The following DPYD variants were observed in gnomAD, a reference collection of about 807,000 sequenced individuals.
DPYD encodes the protein dihydropyrimidine dehydrogenase [NADP(+)].
DPYD carries 109 observed loss-of-function variants against 116.2 expected under a neutral mutation model. The observed-to-expected ratio is 0.94, with a 90% CI of 0.80 to 1.10. The LOEUF (loss-of-function observed/expected upper bound fraction) is 1.10. DPYD is among the 50% of genes least tolerant of loss of function. The pLI is 0.00. For missense variants in DPYD, 1,302 were observed against 1,254.5 expected (o/e 1.04, Z -0.57); for synonymous variants, 440 against 432.0 (o/e 1.02, Z -0.23).
chr1:97,819,731 T>C (rs1668822057), intron 3 of DPYD, among the ~76,000 whole-genome samples: 2 of 152,132 alleles, frequency 1.3e-5, no homozygotes, highest in African/African-American at 4.8e-5. Flanking sequence ...CCTTCCACTC[T>C]TCCATTTTTA....
At chr1:97,241,230 G>C (rs1213114844) in intron 18 of DPYD, among the ~76,000 whole-genome samples, 1 of 151,822 alleles carries the variant, frequency 6.6e-6, no homozygotes, top group Non-Finnish European at 1.5e-5. Flanking sequence ...TTTTTACCAA[G>C]AGAATTAATA....
chr1:97,582,652 G>A lies in DPYD; in HGVS notation c.1129-8682C>T, dbSNP rs1653773706. On this transcript the variant is annotated intron_variant, in intron 10 of 22. Coordinates refer to ENST00000370192, the MANE Select transcript of DPYD (RefSeq NM_000110.4). Reference sequence around the variant, plus strand: ...TAATTAGGCAAAAAAAGTTTGCTGAGACCACAAATTGACATTCCTTCTTTT... The same window carrying A: ...TAATTAGGCAAAAAAAGTTTGCTGAAACCACAAATTGACATTCCTTCTTTT... Among the ~76,000 whole-genome samples the A allele has an allele frequency of 2.0e-5, 3 of 152,144 alleles. No homozygotes were observed. The South Asian group carries it at 6.2e-4, about 32-fold the overall frequency.
In DPYD at chr1:97,838,774, G is replaced by A. The variant is rs368341853; in HGVS notation, c.151-10578C>T. Among the ~76,000 whole-genome samples, 28 of 152,288 alleles carry A rather than the reference G, an allele frequency of 1.8e-4. 1 individual carries two copies. The East Asian group carries it at 4.4e-3, about 24-fold the overall frequency. On this transcript the variant is annotated intron_variant, in intron 2 of 22. Coordinates refer to ENST00000370192, the MANE Select transcript of DPYD (RefSeq NM_000110.4). Reference sequence around the variant, plus strand: ...GCAGGAGAATGGCGTGAACCCGGGAGGCGGAGCTTGCAGTGAGCCGAGATT... The same window carrying A: ...GCAGGAGAATGGCGTGAACCCGGGAAGCGGAGCTTGCAGTGAGCCGAGATT...
chr1:97,393,542 T>C (rs1424767163), intron 14 of DPYD, among the ~76,000 whole-genome samples: 2 of 150,590 alleles, frequency 1.3e-5, no homozygotes. Flanking sequence ...GAACATGCGG[T>C]GTTTGGTTTT....
At chr1:97,252,566 T>C (rs1301913878) in intron 18 of DPYD, among the ~76,000 whole-genome samples, 2 of 152,162 alleles carry the variant, frequency 1.3e-5, no homozygotes, top group African/African-American at 4.8e-5. Context: ...ATCACAGATA[T>C]GTTAAATCTA....
intron 14 of DPYD, among the ~76,000 whole-genome samples, chr1:97,396,800 G>A (rs1050759327): frequency 6.6e-6 from 1 of 151,828 alleles, no homozygotes; most frequent in Non-Finnish European, 1.5e-5. Context: ...CATCCTAGAC[G>A]TCTGACTGTA....
chr1:97,192,161 A>T (rs1356249740), intron 20 of DPYD, among the ~76,000 whole-genome samples: 1 of 152,034 alleles, frequency 6.6e-6, no homozygotes, highest in Non-Finnish European at 1.5e-5. Context: ...TTTTCTACTA[A>T]AACTAGCCAA....
intron 3 of DPYD, among the ~76,000 whole-genome samples, chr1:97,826,032 C>CTG (rs138055564): frequency 8.6e-5 from 13 of 151,044 alleles, no homozygotes; most frequent in South Asian, 4.2e-4. Context: ...TAATGTGTGT[C>CTG]TGTGTGTGTG....
At chr1:97,121,963 T>G (rs1024480691) in intron 20 of DPYD, among the ~76,000 whole-genome samples, 4 of 152,212 alleles carry the variant, frequency 2.6e-5, no homozygotes, top group African/African-American at 9.6e-5. Flanking sequence ...ACATACATGT[T>G]TCAGTCTAGA....
At chr1:97,127,934 T>C (rs1446398421) in intron 20 of DPYD, among the ~76,000 whole-genome samples, 1 of 152,138 alleles carries the variant, frequency 6.6e-6, no homozygotes, top group African/African-American at 2.4e-5. Flanking sequence ...ACCATGTATG[T>C]ATTGCTAATC....
At chr1:97,522,003 C>T (rs1648716912) in intron 12 of DPYD, among the ~76,000 whole-genome samples, 1 of 152,164 alleles carries the variant, frequency 6.6e-6, no homozygotes, top group South Asian at 2.1e-4. Context: ...CATGGGCAGA[C>T]TTCATGACTA....
chr1:97,918,883 A>G (rs957624022), intron 1 of DPYD, among the ~76,000 whole-genome samples: 8 of 152,232 alleles, frequency 5.3e-5, no homozygotes, highest in Admixed American at 5.2e-4. Flanking sequence ...ATTTGAAGCT[A>G]AAACAATGAT....
intron 20 of DPYD, among the ~76,000 whole-genome samples, chr1:97,188,245 T>G (rs904141173): frequency 1.3e-5 from 2 of 152,172 alleles, no homozygotes; most frequent in African/African-American, 4.8e-5. Flanking sequence ...ACAGATTATG[T>G]TCATTTATTA....
At chr1:97,811,582 A>C (rs1219443731) in intron 3 of DPYD, among the ~76,000 whole-genome samples, 1 of 152,260 alleles carries the variant, frequency 6.6e-6, no homozygotes, top group South Asian at 2.1e-4. Flanking sequence ...AATGTCATAG[A>C]TTAGATCTCA....
chr1:97,865,092 T>G (rs983689783), intron 2 of DPYD, among the ~76,000 whole-genome samples: 2 of 151,958 alleles, frequency 1.3e-5, no homozygotes, highest in Admixed American at 6.6e-5. Context: ...ATGTGTCTGC[T>G]TCTTCCATAG....
intron 14 of DPYD, among the ~76,000 whole-genome samples, chr1:97,412,326 T>C (rs931948148): frequency 6.6e-6 from 1 of 152,194 alleles, no homozygotes; most frequent in Non-Finnish European, 1.5e-5. Flanking sequence ...GTTCATACTT[T>C]CCAGCTTGCT....
Position 97,793,053 on chromosome 1 carries a change from A to G in DPYD, c.233+35061T>C, listed in dbSNP as rs377466353. On this transcript the variant is annotated intron_variant, in intron 3 of 22. Coordinates refer to ENST00000370192, the MANE Select transcript of DPYD (RefSeq NM_000110.4). ...CAATACTGGTTCATTAATTTGACAA[A>G]GCACATTTATATAAGATGTTAAAGA... Among the ~76,000 whole-genome samples the G allele has an allele frequency of 1.9e-3, 284 of 152,340 alleles. 10 individuals carry two copies. The South Asian group carries it at 0.057, about 30-fold the overall frequency.
At chr1:97,089,226 C>A (rs1169426204) in intron 21 of DPYD, among the ~76,000 whole-genome samples, 3 of 152,090 alleles carry the variant, frequency 2.0e-5, no homozygotes, top group Non-Finnish European at 4.4e-5. Context: ...GATACATTCC[C>A]GGCTTCATAA....
intron 19 of DPYD, among the ~76,000 whole-genome samples, chr1:97,203,121 C>T (rs1659325316): frequency 6.6e-6 from 1 of 152,104 alleles, no homozygotes. Context: ...CTACTAACAT[C>T]GTTTCTCACC....
Sources: gnomAD v4.1 joint callset for allele counts (sites outside exome capture counted in the v4.1 genomes callset) on GRCh38, gnomAD v4.1.1 for gene constraint, MANE v1.5 for transcripts, NCBI Gene and HGNC (gene_info 2026-07-23, HGNC 2026-07-21) for gene names.